Variants in GLTP observed in about 807,000 individuals in gnomAD.
GLTP encodes the protein glycolipid transfer protein.
GLTP carries 22 observed loss-of-function variants against 24.0 expected under a neutral mutation model. The ratio of observed to expected loss-of-function variants is 0.92; its 90% CI spans 0.65 to 1.31. The LOEUF is 1.31. Among genes scored for constraint, GLTP ranks in the 50% most tolerant of loss-of-function variants. The pLI, the probability that GLTP is intolerant of heterozygous loss-of-function variation, is 0.00. For synonymous variants in GLTP, 92 were observed against 115.9 expected (o/e 0.79, Z 1.33); for missense variants, 224 against 276.6 (o/e 0.81, Z 1.35).
rs551534308 is a variant in GLTP, at chr12:109,855,506, C to T, written c.447+113G>A. Reference sequence around the variant, plus strand: ...AATAGATGAGGGAGCCCTTCCTGAGCCCGAGGGGGTAAACACAGCCTCACA... The same window carrying T: ...AATAGATGAGGGAGCCCTTCCTGAGTCCGAGGGGGTAAACACAGCCTCACA... On this transcript the variant is annotated intron_variant, in intron 4 of 4. Transcript: ENST00000318348. The surrounding 1 kb of genome is among the most constrained non-coding windows in gnomAD (Gnocchi z 4.1). 198 of 940,860 alleles carry T rather than the reference C, an allele frequency of 2.1e-4. No individual in the cohort carries two copies. Among genetic ancestry groups the T allele is most frequent in the Non-Finnish European group, 3.0e-4 (191 of 640,784 alleles). 58.3% of individuals were successfully genotyped at this position (940,860 alleles called of 1,614,324 possible).
chr12:109,873,262 G>C (rs1028801315), intron 1 of GLTP, among the ~76,000 whole-genome samples: 10 of 152,076 alleles, frequency 6.6e-5, no homozygotes, highest in South Asian at 2.1e-4. Flanking sequence ...TTGTTGCAGT[G>C]GGGGAGCTTC....
At chr12:109,858,306 C>A in intron 2 of GLTP, 1 of 439,008 alleles carries the variant, frequency 2.3e-6, no homozygotes, top group Non-Finnish European at 4.5e-6. Flanking sequence ...TTCTCACAGG[C>A]AGTCTATGGC....
At chr12:109,854,945 G>A (rs1333310219) in intron 4 of GLTP, among the ~76,000 whole-genome samples, 1 of 152,246 alleles carries the variant, frequency 6.6e-6, no homozygotes, top group East Asian at 1.9e-4. Context: ...CGCCAGGGTG[G>A]GCAGGCAGAG....
chr12:109,872,099 G>T (rs567208424), intron 1 of GLTP, among the ~76,000 whole-genome samples: 1 of 152,356 alleles, frequency 6.6e-6, no homozygotes, highest in Non-Finnish European at 1.5e-5. Flanking sequence ...CGGGTGGGCG[G>T]GTGCCACTGG....
At position 109,855,794 on chromosome 12, in the gene GLTP, C is replaced by T. The variant is rs1353381187; in HGVS notation, c.297-25G>A. 4.5e-6 allele frequency: 7 copies of T among 1,553,768 alleles called. No individual in the cohort carries two copies. The highest frequency in any genetic ancestry group is 1.7e-4 in the Middle Eastern group (1 of 5,722). ...TCTGTGGCCCAGGGAGGAGAAGGTTCGTTAGGACCCTGCACAGCCCTGTCG... is the reference window on the plus strand; with the variant it reads ...TCTGTGGCCCAGGGAGGAGAAGGTTTGTTAGGACCCTGCACAGCCCTGTCG... On this transcript the variant is annotated intron_variant, in intron 3 of 4. Transcript: ENST00000318348. This position sits in a 1 kb window ranked among gnomAD's most constrained non-coding sequence, Gnocchi z 4.1.
At chr12:109,874,050 A>T (rs926310684) in intron 1 of GLTP, among the ~76,000 whole-genome samples, 1 of 152,198 alleles carries the variant, frequency 6.6e-6, no homozygotes, top group Non-Finnish European at 1.5e-5. Context: ...GAACCACTGG[A>T]ATTCCTCAAG....
chr12:109,855,390 G>A lies in GLTP; in HGVS notation c.447+229C>T, dbSNP rs574089739. 7.1e-4 allele frequency among the ~76,000 whole-genome samples: 108 copies of A among 152,284 alleles called. No individual in the cohort carries two copies. The highest frequency in any genetic ancestry group is 2.0e-3 in the African/African-American group (85 of 41,552). Reference sequence around the variant, plus strand: ...GCCAAGGCCCCTAAAGAGAAACACCGTGGAGTAGCTACAGTGACACCCGCT... The same window carrying A: ...GCCAAGGCCCCTAAAGAGAAACACCATGGAGTAGCTACAGTGACACCCGCT... On this transcript the variant is annotated intron_variant, in intron 4 of 4. Transcript: ENST00000318348. The surrounding 1 kb of genome is among the most constrained non-coding windows in gnomAD (Gnocchi z 4.1).
chr12:109,858,053 T>A, intron 2 of GLTP: 1 of 449,678 alleles, frequency 2.2e-6, no homozygotes, highest in East Asian at 6.8e-5. Context: ...TGGAAATAGG[T>A]TCCGAGGATT....
intron 1 of GLTP, among the ~76,000 whole-genome samples, chr12:109,868,568 G>A (rs1217466705): frequency 6.6e-6 from 1 of 152,188 alleles, no homozygotes; most frequent in Non-Finnish European, 1.5e-5. Context: ...AAGATGCACA[G>A]CTTGCTTCAC....
chr12:109,861,297 AAAG>A (rs1330922376), intron 1 of GLTP, among the ~76,000 whole-genome samples: 3 of 152,162 alleles, frequency 2.0e-5, no homozygotes, highest in Non-Finnish European at 4.4e-5. Flanking sequence ...AGCCCAATGG[AAAG>A]AAGGTGGGCT....
At chr12:109,871,607 C>T (rs1238286409) in intron 1 of GLTP, among the ~76,000 whole-genome samples, 2 of 152,144 alleles carry the variant, frequency 1.3e-5, no homozygotes, top group Non-Finnish European at 2.9e-5. Context: ...CTGATCAAAT[C>T]GCTTCACCTC....
chr12:109,852,816 A>T, intron 4 of GLTP, 79 bp from the exon 5 acceptor site: 1 of 891,360 alleles, frequency 1.1e-6, no homozygotes, highest in Non-Finnish European at 1.8e-6. Context: ...GGGTTCTGGG[A>T]GGGGTCTTCC....
Position 109,864,914 on chromosome 12 carries a change from T to C in GLTP, c.104-6173A>G, listed in dbSNP as rs1265075104. 6.6e-5 allele frequency among the ~76,000 whole-genome samples: 10 copies of C among 152,266 alleles called. 1 individual carries two copies. The South Asian group carries it at 2.1e-3, about 32-fold the overall frequency. ...CCCAGGCTGGAGTGCAGTGGCGCAA[T>C]CTAGGCTCACTGCAACCTCCACCTC... On this transcript the variant is annotated intron_variant, in intron 1 of 4. Coordinates refer to ENST00000318348, the MANE Select transcript of GLTP (RefSeq NM_016433.4).
chr12:109,876,457 C>T (rs909182699), intron 1 of GLTP, among the ~76,000 whole-genome samples: 4 of 151,814 alleles, frequency 2.6e-5, no homozygotes, highest in Admixed American at 2.0e-4. Context: ...CACATCACTG[C>T]ACCACTCCAG....
chr12:109,865,456 C>T (rs761725268), intron 1 of GLTP, among the ~76,000 whole-genome samples: 2 of 152,098 alleles, frequency 1.3e-5, no homozygotes, highest in East Asian at 1.9e-4. Context: ...GTGAAACCCC[C>T]ATCTGTACTA....
rs1209171446 is a variant in GLTP at position 109,855,900 on chromosome 12, T to C, written c.297-131A>G. On this transcript the variant is annotated intron_variant, in intron 3 of 4. Coordinates refer to ENST00000318348, the MANE Select transcript of GLTP (RefSeq NM_016433.4). The surrounding 1 kb of genome is among the most constrained non-coding windows in gnomAD (Gnocchi z 4.1). ...CGCCCCAGAGGGAGTGGTTATTCCCTAATCATCTTTCCCTTCTGCTTACAA... is the reference window on the plus strand; with the variant it reads ...CGCCCCAGAGGGAGTGGTTATTCCCCAATCATCTTTCCCTTCTGCTTACAA... 2 of 639,636 alleles carry C rather than the reference T, an allele frequency of 3.1e-6. No homozygotes were observed. The highest frequency in any genetic ancestry group is 5.1e-6 in the Non-Finnish European group (2 of 389,840). The allele number at this position is 639,636 out of a possible 1,614,324, so 39.6% of individuals were successfully genotyped here. A position where few individuals can be genotyped will look rare whatever the true frequency, so the allele number is the denominator to read the frequency against.
chr12:109,861,051 G>A (rs1160785542), intron 1 of GLTP, among the ~76,000 whole-genome samples: 1 of 152,168 alleles, frequency 6.6e-6, no homozygotes, highest in African/African-American at 2.4e-5. Context: ...GCAGGCTAGA[G>A]GTGGGTGCCA....
intron 2 of GLTP, among the ~76,000 whole-genome samples, 185 bp downstream of exon 2, chr12:109,858,498 C>G (rs1025575262): frequency 2.6e-5 from 4 of 152,204 alleles, no homozygotes; most frequent in African/African-American, 7.2e-5. Context: ...GACCAGATGG[C>G]AAGACTGTGG....
chr12:109,870,268 C>G (rs1372257394), intron 1 of GLTP, among the ~76,000 whole-genome samples: 3 of 152,170 alleles, frequency 2.0e-5, no homozygotes, highest in East Asian at 1.9e-4. Context: ...GAGTTCAAGA[C>G]CAGCCTGGCC....
Sources: allele counts gnomAD v4.1 joint callset (sites outside exome capture counted in the v4.1 genomes callset), GRCh38; gene constraint gnomAD v4.1.1; non-coding constraint Gnocchi (gnomAD v3.1); transcripts MANE v1.5; gene names NCBI Gene and HGNC (gene_info 2026-07-23, HGNC 2026-07-21).